Variants in HMGB1 observed in about 807,000 individuals in gnomAD.
HMGB1 encodes high mobility group box 1.
For missense variants in HMGB1, 79 were observed against 253.5 expected (o/e 0.31, Z 4.67); for synonymous variants, 81 against 84.0 (o/e 0.96, Z 0.19).
intron 1 of HMGB1, chr13:30,464,530 C>G: frequency 1.0e-6 from 1 of 984,690 alleles, no homozygotes; most frequent in Non-Finnish European, 1.2e-6. Context: ...GGACGCGGCC[C>G]GGCTCCCAGG....
intron 1 of HMGB1, among the ~76,000 whole-genome samples, chr13:30,524,426 A>G (rs1593290226): frequency 1.3e-5 from 2 of 151,904 alleles, no homozygotes; most frequent in Admixed American, 1.3e-4. Flanking sequence ...GAGCACGGCT[A>G]GGAAGACTTC....
chr13:30,586,409 T>C (rs1871147824), intron 1 of HMGB1, among the ~76,000 whole-genome samples: 1 of 151,634 alleles, frequency 6.6e-6, no homozygotes, highest in South Asian at 2.1e-4. Flanking sequence ...GTACTGCTCC[T>C]GGGCGATGTC....
At chr13:30,561,701 C>T (rs1026417325) in intron 1 of HMGB1, among the ~76,000 whole-genome samples, 1 of 152,076 alleles carries the variant, frequency 6.6e-6, no homozygotes, top group Admixed American at 6.6e-5. Context: ...AAAGGGGAGT[C>T]GCCAGAAAGG....
upstream of HMGB1, among the ~76,000 whole-genome samples, chr13:30,469,092 T>C (rs1266285103): frequency 1.3e-5 from 2 of 152,100 alleles, no homozygotes; most frequent in Middle Eastern, 3.2e-3. Flanking sequence ...GGTTTCACCA[T>C]GTTGGTCAGG....
At chr13:30,503,901 G>A (rs904677955) in intron 1 of HMGB1, among the ~76,000 whole-genome samples, 4 of 151,978 alleles carry the variant, frequency 2.6e-5, no homozygotes, top group African/African-American at 9.7e-5. Flanking sequence ...CCACTGCACT[G>A]CAGCCTGGGC....
intron 1 of HMGB1, among the ~76,000 whole-genome samples, chr13:30,558,821 C>A (rs1330584149): frequency 1.3e-5 from 2 of 152,188 alleles, no homozygotes; most frequent in African/African-American, 4.8e-5. Context: ...TTGGGCCCCA[C>A]CCCAGACCCA....
intron 1 of HMGB1, among the ~76,000 whole-genome samples, chr13:30,552,350 T>C (rs1869466240): frequency 6.6e-6 from 1 of 152,200 alleles, no homozygotes; most frequent in Non-Finnish European, 1.5e-5. Context: ...CTCTCTTACA[T>C]AACCACAAGG....
chr13:30,570,101 A>T (rs968228311), intron 1 of HMGB1, among the ~76,000 whole-genome samples: 24 of 152,216 alleles, frequency 1.6e-4, no homozygotes, highest in African/African-American at 5.8e-4. Flanking sequence ...ACTGGTTTTG[A>T]TGACTCACGA....
chr13:30,501,942 G>A (rs1484203779), intron 1 of HMGB1, among the ~76,000 whole-genome samples: 3 of 152,100 alleles, frequency 2.0e-5, no homozygotes, highest in Admixed American at 6.6e-5. Flanking sequence ...ATAAATGATT[G>A]TACATGCTTT....
upstream of HMGB1, among the ~76,000 whole-genome samples, chr13:30,468,789 A>G (rs752471634): frequency 3.3e-5 from 5 of 152,178 alleles, no homozygotes; most frequent in Non-Finnish European, 7.3e-5. Context: ...CTCTAACCCC[A>G]CAATCTTGAT....
In HMGB1 at chr13:30,458,551, A is replaced by T. The variant is rs545126930; in HGVS notation, c.*2806T>A. On this transcript the variant is annotated 3_prime_UTR_variant, in exon 5 of 5. Transcript: ENST00000341423. ...TCACCACGTTAGCCAGGATGGTCTC[A>T]ATCTCCTGACCTCGTGATCTGCCCG... is the stretch of plus-strand genomic sequence containing the variant. 1 of 152,128 alleles carries T rather than the reference A, an allele frequency of 6.6e-6. No individual in the cohort carries two copies. Among genetic ancestry groups the T allele is most frequent in the African/African-American group, 2.4e-5 (1 of 41,384 alleles). 9.4% of individuals were successfully genotyped at this position (152,128 alleles called of 1,614,324 possible). A position where few individuals can be genotyped will look rare whatever the true frequency, so the allele number is the denominator to read the frequency against.
chr13:30,544,793 G>A (rs1869070648), intron 1 of HMGB1, among the ~76,000 whole-genome samples: 1 of 152,208 alleles, frequency 6.6e-6, no homozygotes, highest in African/African-American at 2.4e-5. Flanking sequence ...TTTGTAGCTG[G>A]TGGGTCAGAA....
At chr13:30,576,773 G>GC (rs962084704) in intron 1 of HMGB1, among the ~76,000 whole-genome samples, 2 of 151,878 alleles carry the variant, frequency 1.3e-5, no homozygotes, top group Non-Finnish European at 2.9e-5. Context: ...CCACAGGCTT[G>GC]CCCCTCCTCT....
At chr13:30,486,249 G>A (rs749684023) in intron 1 of HMGB1, among the ~76,000 whole-genome samples, 1 of 152,100 alleles carries the variant, frequency 6.6e-6, no homozygotes, top group Non-Finnish European at 1.5e-5. Context: ...AACCCATTTC[G>A]ATTTCTTACT....
chr13:30,471,565 G>A (rs1886933310), intron 1 of HMGB1, among the ~76,000 whole-genome samples: 1 of 148,606 alleles, frequency 6.7e-6, no homozygotes, highest in African/African-American at 2.5e-5. Flanking sequence ...ATGTTAGCCA[G>A]GCTGGTCTCG....
chr13:30,580,188 C>A (rs1396544648), intron 1 of HMGB1, among the ~76,000 whole-genome samples: 1 of 152,106 alleles, frequency 6.6e-6, no homozygotes, highest in Admixed American at 6.5e-5. Context: ...CACAGTATTT[C>A]CATTTAAAAA....
At chr13:30,468,675 C>T (rs1886855681), upstream of HMGB1, among the ~76,000 whole-genome samples, 4 of 152,082 alleles carry the variant, frequency 2.6e-5, no homozygotes. Context: ...GTTTAAAAAC[C>T]ACCACTTGCA....
Position 30,465,213 on chromosome 13 carries a change from C to G in HMGB1, c.-15+583G>C, listed in dbSNP as rs1886694570. Reference sequence around the variant, plus strand: ...CGCCCGGCCGCCGCCGCCGCCGCGACCGGGCCGAGGCCGGCCGGGCCCGCA... The same window carrying G: ...CGCCCGGCCGCCGCCGCCGCCGCGAGCGGGCCGAGGCCGGCCGGGCCCGCA... On this transcript the variant is annotated intron_variant, in intron 1 of 4. Transcript: ENST00000341423. 3 of 717,200 alleles carry G rather than the reference C, an allele frequency of 4.2e-6. No individual in the cohort carries two copies. The African/African-American group carries it at 6.0e-5, about 14-fold the overall frequency. 44.4% of individuals were successfully genotyped at this position (717,200 alleles called of 1,614,324 possible).
chr13:30,579,882 A>AG (rs1313709997), intron 1 of HMGB1, among the ~76,000 whole-genome samples: 1 of 152,248 alleles, frequency 6.6e-6, no homozygotes, highest in African/African-American at 2.4e-5. Context: ...GATAGATTAC[A>AG]GTGAAATAAA....
Sources: gnomAD v4.1 joint callset for allele counts (sites outside exome capture counted in the v4.1 genomes callset) on GRCh38, gnomAD v4.1.1 for gene constraint, MANE v1.5 for transcripts, NCBI Gene and HGNC (gene_info 2026-07-23, HGNC 2026-07-21) for gene names.